Variants in MCF2 observed in about 807,000 individuals in gnomAD.
The protein encoded by MCF2 is MCF.2 cell line derived transforming sequence.
A neutral mutation model predicts 82.5 loss-of-function variants in MCF2; 44 were observed. The ratio of observed to expected loss-of-function variants is 0.53; its 90% CI spans 0.42 to 0.69. The LOEUF (loss-of-function observed/expected upper bound fraction) is 0.69, where lower values mean the gene tolerates loss of function less well. Ranked by LOEUF, MCF2 falls within the 30% of genes least tolerant of loss-of-function variation. MCF2 has a pLI of 0.00. For missense variants in MCF2, 623 were observed against 663.1 expected (o/e 0.94, Z 0.66); for synonymous variants, 217 against 224.9 (o/e 0.96, Z 0.32).
intron 1 of MCF2, among the ~76,000 whole-genome samples, chrX:139,667,666 C>T (rs1423424305): frequency 1.8e-5 from 2 of 111,742 alleles, no homozygotes; most frequent in Non-Finnish European, 3.8e-5. Context: ...AGAGCAGGCA[C>T]TGCTTGTGGT....
intron 1 of MCF2, among the ~76,000 whole-genome samples, chrX:139,636,392 T>G (rs1933221535): frequency 8.9e-6 from 1 of 112,090 alleles, no homozygotes; most frequent in African/African-American, 3.2e-5. Context: ...AAAGCAAAAT[T>G]ACTTTTATTC....
At chrX:139,613,358 C>T (rs1356210042) in intron 10 of MCF2, 95 bp from the exon 14 acceptor site, 11 of 655,271 alleles carry the variant, frequency 1.7e-5, no homozygotes, top group Non-Finnish European at 7.0e-6. Context: ...TAATGACTTG[C>T]ATGGATCTGT....
intron 1 of MCF2, among the ~76,000 whole-genome samples, chrX:139,690,338 G>GTTTTTT (rs145515088): frequency 6.6e-5 from 5 of 75,730 alleles, no homozygotes; most frequent in Admixed American, 3.5e-4. Flanking sequence ...CTCCAAAGGA[G>GTTTTTT]TTTTTTTTTT....
chrX:139,596,484 A>T (rs1421073479), intron 19 of MCF2, 65 bp downstream of exon 23: 2 of 890,985 alleles, frequency 2.2e-6, no homozygotes, highest in African/African-American at 4.0e-5. Flanking sequence ...AACAAAAAAA[A>T]TGTACAAACT....
chrX:139,582,286 G>A (rs866404206), exon 25 of MCF2: 33 of 489,122 alleles, frequency 6.7e-5, no homozygotes, highest in Middle Eastern at 3.4e-4. Flanking sequence ...AAAAGACAGC[G>A]TACCATAATT....
chrX:139,645,584 G>C (rs746504076), upstream of MCF2: 17 of 1,188,605 alleles, frequency 1.4e-5, no homozygotes, highest in Admixed American at 2.2e-5. Context: ...TTTTTGGAGA[G>C]AGATTTTGAG....
At chrX:139,595,169 C>T (rs1273628911) in intron 19 of MCF2, among the ~76,000 whole-genome samples, 10 of 108,591 alleles carry the variant, frequency 9.2e-5, no homozygotes, top group South Asian at 4.1e-4. Context: ...GTCAGTGTGG[C>T]GATTCCTCAG....
At chrX:139,593,498 T>A (rs1297820007) in intron 19 of MCF2, among the ~76,000 whole-genome samples, 1 of 110,718 alleles carries the variant, frequency 9.0e-6, no homozygotes, top group Non-Finnish European at 1.9e-5. Flanking sequence ...ACTATTCCAA[T>A]CAATAGAAAA....
chrX:139,688,987 T>C (rs1190260052), intron 1 of MCF2, among the ~76,000 whole-genome samples: 2 of 112,093 alleles, frequency 1.8e-5, no homozygotes, highest in African/African-American at 6.5e-5. Context: ...TTCCATTCCC[T>C]GTGTTAATGG....
intron 22 of MCF2, among the ~76,000 whole-genome samples, chrX:139,586,904 A>G (rs892641614): frequency 8.9e-6 from 1 of 111,812 alleles, no homozygotes; most frequent in Non-Finnish European, 1.9e-5. Flanking sequence ...TGTTACTCCT[A>G]TAATGTACGA....
At chrX:139,586,353 G>A (rs765842794) in intron 23 of MCF2, 25 bp downstream of exon 27, 18 of 1,108,866 alleles carry the variant, frequency 1.6e-5, no homozygotes, top group African/African-American at 1.3e-4. Context: ...CATGAGTCTC[G>A]TCTTAAGATG....
intron 2 of MCF2, among the ~76,000 whole-genome samples, chrX:139,648,626 G>C (rs1933887991): frequency 9.0e-6 from 1 of 111,206 alleles, no homozygotes; most frequent in Non-Finnish European, 1.9e-5. Flanking sequence ...TCATCAAACT[G>C]GATAAAAAGA....
chrX:139,634,746 T>C (rs922180035), intron 1 of MCF2, among the ~76,000 whole-genome samples: 2 of 111,475 alleles, frequency 1.8e-5, no homozygotes, highest in African/African-American at 3.3e-5. Flanking sequence ...AAATGAGAAC[T>C]CTTATTTTCC....
chrX:139,604,987 A>G lies in MCF2; in HGVS notation c.1558-3T>C, dbSNP rs1295932517. ...TTATCCATCTCCGCTCTATAACCCTACCCAAAATAAATACATTCATGCATT... is the reference window on the plus strand; with the variant it reads ...TTATCCATCTCCGCTCTATAACCCTGCCCAAAATAAATACATTCATGCATT... On this transcript the variant is annotated splice_polypyrimidine_tract_variant and splice_region_variant and intron_variant, in intron 13 of 24. Transcript: ENST00000370576. 4.8e-6 allele frequency: 5 copies of G among 1,033,622 alleles called. No individual in the cohort carries two copies. In the African/African-American group the frequency reaches 7.6e-5, roughly 16 times the overall value. 85.2% of individuals were successfully genotyped at this position (1,033,622 alleles called of 1,213,427 possible).
chrX:139,591,499 A>T (rs1184751779), intron 19 of MCF2, among the ~76,000 whole-genome samples: 3 of 111,341 alleles, frequency 2.7e-5, no homozygotes, highest in Non-Finnish European at 5.7e-5. Context: ...AAAATCGATG[A>T]TAATAAACAC....
intron 1 of MCF2, among the ~76,000 whole-genome samples, chrX:139,660,335 A>G (rs1233796126): frequency 8.9e-6 from 1 of 112,403 alleles, no homozygotes; most frequent in East Asian, 2.8e-4. Context: ...TTTATAAACA[A>G]TCTTTTGAAA....
intron 1 of MCF2, among the ~76,000 whole-genome samples, chrX:139,689,658 T>TTTTTTTTTTTTTTTGAGA (rs1569402944): frequency 2.8e-5 from 3 of 108,602 alleles, no homozygotes; most frequent in African/African-American, 1.0e-4. Context: ...ATATCTTATT[T>TTTTTTTTTTTTTTTGAGA]CCTTGCCTGG....
chrX:139,675,039 ACTTCT>A (rs1475904137), intron 1 of MCF2, among the ~76,000 whole-genome samples: 1 of 110,896 alleles, frequency 9.0e-6, no homozygotes. Context: ...TTTTCTCTAA[ACTTCT>A]CTTCTCGCTT....
chrX:139,619,805 G>A, intron 6 of MCF2, 99 bp from the exon 10 acceptor site: 1 of 578,811 alleles, frequency 1.7e-6, no homozygotes, highest in Admixed American at 4.2e-5. Context: ...TTGACATGGA[G>A]AAATTACACA....
Sources: gnomAD v4.1 joint callset for allele counts (sites outside exome capture counted in the v4.1 genomes callset) on GRCh38, gnomAD v4.1.1 for gene constraint, MANE v1.5 for transcripts, NCBI Gene and HGNC (gene_info 2026-07-23, HGNC 2026-07-21) for gene names.